The following CLUH variants were observed in gnomAD, a reference collection of about 807,000 sequenced individuals.
CLUH encodes clustered mitochondria protein homolog.
CLUH carries 77 observed loss-of-function variants against 139.3 expected under a neutral mutation model. That is an observed-to-expected ratio of 0.55 (90% CI 0.46 to 0.67). CLUH has a LOEUF of 0.67. CLUH is among the 30% of genes least tolerant of loss of function. The pLI is 0.00. For missense variants in CLUH, 1,876 were observed against 1,875.8 expected (o/e 1.00, Z 0.00); for synonymous variants, 999 against 801.6 (o/e 1.25, Z -4.16).
At position 2,691,998 on chromosome 17, in the gene CLUH, G is replaced by GCCC; in HGVS notation, c.3654+5_3654+6insGGG. On this transcript the variant is annotated splice_donor_region_variant and intron_variant, in intron 23 of 25. Transcript: ENST00000651024. ...CCCCCGCCCCCGCCACGCCCCCGCC[G>GCCC]CGCACCTGCGTCTTGTAGATGGTGT... 1.5e-6 allele frequency: 2 copies of GCCC among 1,332,914 alleles called. No individual in the cohort carries two copies. The highest frequency in any genetic ancestry group is 2.0e-6 in the Non-Finnish European group (2 of 998,644). The allele number at this position is 1,332,914 out of a possible 1,614,324, so 82.6% of individuals were successfully genotyped here. A position where few individuals can be genotyped will look rare whatever the true frequency, so the allele number is the denominator to read the frequency against.
At chr17:2,696,073 G>A in intron 13 of CLUH, 86 bp downstream of exon 13, 2 of 1,104,650 alleles carry the variant, frequency 1.8e-6, no homozygotes, top group Non-Finnish European at 1.3e-6. Context: ...CTGCGAGCCT[G>A]TGTTCATGGG....
chr17:2,697,323 C>T lies in CLUH; in HGVS notation c.1962-381G>A, dbSNP rs370573408. Reference sequence around the variant, plus strand: ...CTCAGACAGGAGAATCACTTGAACCCGGGAGGCAGAGGTTGCGGTGAGCCG... The same window carrying T: ...CTCAGACAGGAGAATCACTTGAACCTGGGAGGCAGAGGTTGCGGTGAGCCG... On this transcript the variant is annotated intron_variant, in intron 10 of 25. Coordinates refer to ENST00000651024, the MANE Select transcript of CLUH (RefSeq NM_001366661.1). 4.5e-3 allele frequency among the ~76,000 whole-genome samples: 682 copies of T among 151,622 alleles called. 5 individuals are homozygous for T. The highest frequency in any genetic ancestry group is 0.016 in the African/African-American group (645 of 41,236).
chr17:2,694,655 G>T, intron 16 of CLUH, 91 bp from the exon 17 acceptor site: 1 of 1,386,606 alleles, frequency 7.2e-7, no homozygotes, highest in Admixed American at 2.1e-5. Context: ...GTCCAGCCCG[G>T]GCCCCCAACA....
At position 2,706,940 on chromosome 17, in the gene CLUH, C is replaced by G. The variant is rs962249442; in HGVS notation, c.101-2376G>C. ...AGGAGGGACGACAAGGCAAGGTGGC[C>G]GCGGCTCCCACTCTCCTTCCCCAGC... On this transcript the variant is annotated intron_variant, in intron 1 of 25. Coordinates refer to ENST00000651024, the MANE Select transcript of CLUH (RefSeq NM_001366661.1). The surrounding 1 kb of genome is among the most constrained non-coding windows in gnomAD (Gnocchi z 4.6). 6.6e-6 allele frequency among the ~76,000 whole-genome samples: 1 copy of G among 152,196 alleles called. No individual in the cohort carries two copies. The highest frequency in any genetic ancestry group is 1.5e-5 in the Non-Finnish European group (1 of 68,026).
At position 2,704,624 on chromosome 17, in the gene CLUH, C is replaced by T; in HGVS notation, c.101-60G>A. The T allele has an allele frequency of 2.8e-6, 4 of 1,454,532 alleles. No homozygotes were observed. The highest frequency in any genetic ancestry group is 3.7e-6 in the Non-Finnish European group (4 of 1,086,656). 90.1% of individuals were successfully genotyped at this position (1,454,532 alleles called of 1,614,324 possible). ...CCTCGCTGGTCGGCGGGGCTGTCCG[C>T]CTGACCCCACACGGGGACACGTGCC... On this transcript the variant is annotated intron_variant, in intron 1 of 25. Transcript: ENST00000651024. This position sits in a 1 kb window ranked among gnomAD's most constrained non-coding sequence, Gnocchi z 5.7.
Position 2,700,806 on chromosome 17 carries a change from C to G in CLUH, c.1045G>C (p.Glu349Gln). Reference protein sequence around the residue: ...QKKRVQRHPFERIATPFQVYS... With the variant: ...QKKRVQRHPFQRIATPFQVYS... ...ACCTGGAATGGGGTGGCGATCCTCT[C>G]GAACGGGTGGCGCTGGACCCTGTGG... is the stretch of plus-strand genomic sequence containing the variant. Residue 349 changes from glutamate to glutamine, a missense_variant, in exon 8 of 26, where the codon GAG (glutamate) becomes CAG (glutamine). Glu to Gln is a conservative substitution (Grantham distance 29, BLOSUM62 2). This residue lies in a region of CLUH where 270 missense variants were observed against 354.7 expected (regional missense o/e 0.76). Transcript: ENST00000651024. 2.0e-6 allele frequency: 3 copies of G among 1,527,850 alleles called. No individual in the cohort carries two copies. The highest frequency in any genetic ancestry group is 2.6e-6 in the Non-Finnish European group (3 of 1,143,316). 94.6% of individuals were successfully genotyped at this position (1,527,850 alleles called of 1,614,324 possible). A position where few individuals can be genotyped will look rare whatever the true frequency, so the allele number is the denominator to read the frequency against.
At position 2,691,812 on chromosome 17, in the gene CLUH, G is replaced by A. The variant is rs1188514468; in HGVS notation, c.3738C>T (p.Thr1246=). The change falls in exon 24 of 26, where the codon ACC becomes ACT. Residue 1246 remains threonine (T), a synonymous_variant. Coordinates refer to ENST00000651024, the MANE Select transcript of CLUH (RefSeq NM_001366661.1). ...AGCCGTTGCGGTAGATCTCGTTCAT[G>A]GTGCGCTGCAGGGCCACGGCCTGCT... ...LTQQAVALQR[T]MNEIYRNGSS... is the part of the protein sequence containing the mutation. 2 of 1,580,790 alleles carry A rather than the reference G, an allele frequency of 1.3e-6. No individual in the cohort carries two copies. The highest frequency in any genetic ancestry group is 1.8e-5 in the Admixed American group (1 of 55,050).
intron 19 of CLUH, 146 bp from the exon 20 acceptor site, chr17:2,693,006 G>C (rs529108604): frequency 3.0e-6 from 2 of 668,494 alleles, no homozygotes; most frequent in South Asian, 5.8e-5. Flanking sequence ...CAGGGGGGAG[G>C]GGGATCAGCA....
rs765652350 is a variant in CLUH at position 2,692,574 on chromosome 17, C to T, written c.3435G>A (p.Leu1145=). The T allele has an allele frequency of 6.2e-7, 1 of 1,611,312 alleles. No individual in the cohort carries two copies. Among genetic ancestry groups the T allele is most frequent in the South Asian group, 1.1e-5 (1 of 91,030 alleles). The change falls in exon 21 of 26, where the codon CTG becomes CTA. Residue 1145 remains leucine, a synonymous_variant. Coordinates refer to ENST00000651024, the MANE Select transcript of CLUH (RefSeq NM_001366661.1). ...GCCCCCCCGCCCCAGCACTCACGTCCAGCAGCGCCATCTCGGGGTGGTCTT... is the reference window on the plus strand; with the variant it reads ...GCCCCCCCGCCCCAGCACTCACGTCTAGCAGCGCCATCTCGGGGTGGTCTT... ...FGEDHPEMAL[L]DNNIGLVLHG... is the part of the protein sequence containing the mutation.
At chr17:2,694,822 T>TACCCCC in intron 16 of CLUH, 35 bp downstream of exon 16, 170 of 1,346,296 alleles carry the variant, frequency 1.3e-4, no homozygotes, top group Non-Finnish European at 1.5e-4. Flanking sequence ...ATCTGCCCAA[T>TACCCCC]CCCACCCACC....
In CLUH at chr17:2,703,903, C is replaced by A. The variant is rs547396405; in HGVS notation, c.304-414G>T. Among the ~76,000 whole-genome samples the A allele has an allele frequency of 9.8e-5, 15 of 152,302 alleles. No homozygotes were observed. In the South Asian group the frequency reaches 2.9e-3, roughly 29 times the overall value. On this transcript the variant is annotated intron_variant, in intron 2 of 25. Coordinates refer to ENST00000651024, the MANE Select transcript of CLUH (RefSeq NM_001366661.1). This position sits in a 1 kb window ranked among gnomAD's most constrained non-coding sequence, Gnocchi z 4.2. ...AGGGGTGCTCTGGGGCCCAAGCCTG[C>A]GGGTGCCGAGACATACGACGACCCT...
At chr17:2,700,994 C>A in intron 7 of CLUH, 146 bp downstream of exon 7, 1 of 1,466,780 alleles carries the variant, frequency 6.8e-7, no homozygotes, top group Non-Finnish European at 9.1e-7. Context: ...TGTCTCGGCA[C>A]TGGCCGACAG....
rs80348995 is a variant in CLUH, at chr17:2,707,534, G to A, written c.101-2970C>T. 1.1e-4 allele frequency: 108 copies of A among 985,406 alleles called. 1 individual carries two copies. The East Asian group carries it at 7.4e-3, about 67-fold the overall frequency. The allele number at this position is 985,406 out of a possible 1,614,324, so 61.0% of individuals were successfully genotyped here. A position where few individuals can be genotyped will look rare whatever the true frequency, so the allele number is the denominator to read the frequency against. On this transcript the variant is annotated intron_variant, in intron 1 of 25. Coordinates refer to ENST00000651024, the MANE Select transcript of CLUH (RefSeq NM_001366661.1). The surrounding 1 kb of genome is among the most constrained non-coding windows in gnomAD (Gnocchi z 7.4). ...CCTCCCTATGCCCCCTAGAGAGGGG[G>A]TCACTGCCGGCAAAGCCGCTAGGGG...
At chr17:2,708,704 C>T (rs2070420625) in intron 1 of CLUH, among the ~76,000 whole-genome samples, 2 of 152,022 alleles carry the variant, frequency 1.3e-5, no homozygotes, top group South Asian at 2.1e-4. Flanking sequence ...GCTACCCACC[C>T]GCTCCCACCG....
chr17:2,698,111 C>G lies in CLUH; in HGVS notation c.1746G>C (p.Glu582Asp). The change falls in exon 10 of 26, where the codon GAG becomes GAC. Residue 582 changes from glutamate (E) to aspartate (D), a missense_variant. Coordinates refer to ENST00000651024, the MANE Select transcript of CLUH (RefSeq NM_001366661.1). ...QVLNDRDEEVELCSSVECKGI... is the reference protein window; with the variant it reads ...QVLNDRDEEVDLCSSVECKGI... ...CCTTGCACTCGACCGAGGAGCAGAGCTCCACCTCCTCGTCACGGTCGTTGA... is the reference window on the plus strand; with the variant it reads ...CCTTGCACTCGACCGAGGAGCAGAGGTCCACCTCCTCGTCACGGTCGTTGA... 1 of 1,599,564 alleles carries G rather than the reference C, an allele frequency of 6.3e-7. No homozygotes were observed. The highest frequency in any genetic ancestry group is 8.5e-7 in the Non-Finnish European group (1 of 1,174,628).
Position 2,703,229 on chromosome 17 carries a change from G to T in CLUH, c.475+89C>A, listed in dbSNP as rs1034158583. 2.2e-6 allele frequency: 3 copies of T among 1,374,726 alleles called. No homozygotes were observed. Among genetic ancestry groups the T allele is most frequent in the African/African-American group, 2.9e-5 (2 of 69,994 alleles). The allele number at this position is 1,374,726 out of a possible 1,614,324, so 85.2% of individuals were successfully genotyped here. ...CAATCCTGCCTCCATGAGCTCATCC[G>T]TGACACAGGGACCCTGGCATGGATG... On this transcript the variant is annotated intron_variant, in intron 3 of 25. Transcript: ENST00000651024. The surrounding 1 kb of genome is among the most constrained non-coding windows in gnomAD (Gnocchi z 4.2).
In CLUH at chr17:2,693,893, A is replaced by G; in HGVS notation, c.3231+7T>C. ...CCAGGCCTTTGCTGCCACAGCCCAG[A>G]GGGTACCTCTGCGTAGTCGCCCATG... On this transcript the variant is annotated splice_region_variant and intron_variant, in intron 19 of 25. Coordinates refer to ENST00000651024, the MANE Select transcript of CLUH (RefSeq NM_001366661.1). 1 of 1,607,598 alleles carries G rather than the reference A, an allele frequency of 6.2e-7. No individual in the cohort carries two copies. Among genetic ancestry groups the G allele is most frequent in the Non-Finnish European group, 8.5e-7 (1 of 1,177,224 alleles).
At chr17:2,700,589 G>T in intron 8 of CLUH, 89 bp downstream of exon 8, 1 of 1,533,196 alleles carries the variant, frequency 6.5e-7, no homozygotes, top group Non-Finnish European at 8.8e-7. Flanking sequence ...ATGAAGTCAA[G>T]CATGGGGCCT....
rs114310714 is a variant in CLUH, at chr17:2,703,290, G to A, written c.475+28C>T. On this transcript the variant is annotated intron_variant, in intron 3 of 25. Coordinates refer to ENST00000651024, the MANE Select transcript of CLUH (RefSeq NM_001366661.1). The surrounding 1 kb of genome is among the most constrained non-coding windows in gnomAD (Gnocchi z 4.2). ...CCTCTGCCTCCGTGGGCCCTCCCCC[G>A]GGCAGGCTGTCCAACTTCCAGACCA... 11,361 of 1,592,154 alleles carry A rather than the reference G, an allele frequency of 7.1e-3. 744 individuals carry two copies. In the African/African-American group the frequency reaches 0.13, roughly 18 times the overall value.
Sources: allele counts gnomAD v4.1 joint callset (sites outside exome capture counted in the v4.1 genomes callset), GRCh38; gene constraint gnomAD v4.1.1; regional missense constraint gnomAD v4.1.1; non-coding constraint Gnocchi (gnomAD v3.1); transcripts MANE v1.5; gene names NCBI Gene and HGNC (gene_info 2026-07-23, HGNC 2026-07-21).